Variants in XKR4 observed in about 807,000 individuals in gnomAD.
XKR4 encodes the protein XK related 4.
In XKR4, 12 loss-of-function variants were observed where a neutral mutation model predicts 53.9. The observed-to-expected ratio is 0.22, with a 90% CI of 0.14 to 0.36. XKR4 has a LOEUF of 0.36. Among genes scored for constraint, XKR4 ranks in the 10% least tolerant of loss-of-function variants. XKR4 has a pLI of 1.00. For missense variants in XKR4, 799 were observed against 859.5 expected, an observed-to-expected ratio of 0.93 and a Z score of 0.88; for synonymous variants, 354 against 362.4, an observed-to-expected ratio of 0.98 and a Z score of 0.26.
At chr8:55,253,907 G>A (rs1818396703) in intron 1 of XKR4, among the ~76,000 whole-genome samples, 1 of 151,788 alleles carries the variant, frequency 6.6e-6, no homozygotes, top group Admixed American at 6.6e-5. Context: ...TTCTTGTGGA[G>A]GCAGAGTTTC....
intron 2 of XKR4, among the ~76,000 whole-genome samples, chr8:55,423,180 C>T (rs991540402): frequency 3.3e-5 from 5 of 151,972 alleles, no homozygotes; most frequent in Non-Finnish European, 5.9e-5. Context: ...ACTGCAACCT[C>T]TACCTCCCAG....
intron 1 of XKR4, among the ~76,000 whole-genome samples, chr8:55,151,098 G>A (rs1007646182): frequency 3.3e-5 from 5 of 152,166 alleles, no homozygotes; most frequent in Admixed American, 6.5e-5. Flanking sequence ...GTGTAAGATT[G>A]TCTTTTATTT....
At chr8:55,292,877 A>G (rs1042279895) in intron 1 of XKR4, among the ~76,000 whole-genome samples, 2 of 151,992 alleles carry the variant, frequency 1.3e-5, no homozygotes, top group South Asian at 4.2e-4. Flanking sequence ...TTCTTTTGAA[A>G]CTTCCTCTTT....
chr8:55,534,504 G>C lies in XKR4; in HGVS notation c.*10277G>C, dbSNP rs1296212001. 6.7e-6 allele frequency: 1 copy of C among 149,414 alleles called. No homozygotes were observed. The highest frequency in any genetic ancestry group is 1.5e-5 in the Non-Finnish European group (1 of 67,866). 9.3% of individuals were successfully genotyped at this position (149,414 alleles called of 1,614,324 possible). A position where few individuals can be genotyped will look rare whatever the true frequency, so the allele number is the denominator to read the frequency against. On this transcript the variant is annotated 3_prime_UTR_variant, in exon 3 of 3. Transcript: ENST00000327381. ...TCCTTCTGCCTCAGCCTTCTGAGTA[G>C]GTGGGACTACAGGCGCCTGTCACCA...
At chr8:55,260,290 C>T (rs916994576) in intron 1 of XKR4, among the ~76,000 whole-genome samples, 2 of 152,280 alleles carry the variant, frequency 1.3e-5, no homozygotes, top group South Asian at 2.1e-4. Context: ...TTCTAAAATC[C>T]CTCATGGTGT....
intron 1 of XKR4, among the ~76,000 whole-genome samples, chr8:55,115,552 C>T (rs748310755): frequency 1.3e-5 from 2 of 152,058 alleles, no homozygotes; most frequent in African/African-American, 4.8e-5. Flanking sequence ...TGGGAGGACA[C>T]GCTGGGCGGA....
intron 2 of XKR4, chr8:55,451,880 T>C: frequency 1.2e-6 from 1 of 855,804 alleles, no homozygotes; most frequent in South Asian, 1.5e-5. Context: ...GTCAGTGTGC[T>C]GGGCTCCAGC....
chr8:55,523,804 T>C lies in XKR4; in HGVS notation c.1530T>C (p.Tyr510=), dbSNP rs748617010. The change falls in exon 3 of 3, where the codon TAT becomes TAC. Residue 510 remains tyrosine (Y), a synonymous_variant. Coordinates refer to ENST00000327381, the MANE Select transcript of XKR4 (RefSeq NM_052898.2). ...LTGVVFMLMY[Y]AFFHPNGPRF... is the part of the protein sequence containing the mutation. Reference sequence around the variant, plus strand: ...GCGTTGTTTTTATGCTGATGTATTATGCCTTCTTTCATCCCAATGGACCCA... The same window carrying C: ...GCGTTGTTTTTATGCTGATGTATTACGCCTTCTTTCATCCCAATGGACCCA... 29 of 1,614,248 alleles carry C rather than the reference T, an allele frequency of 1.8e-5. No individual in the cohort carries two copies. The South Asian group carries it at 2.9e-4, about 16-fold the overall frequency.
chr8:55,407,235 CATAG>C (rs56184006), intron 2 of XKR4, among the ~76,000 whole-genome samples: 17,870 of 152,074 alleles, frequency 0.12, 2,214 homozygotes, highest in African/African-American at 0.31. Context: ...GCCAGCCTCG[CATAG>C]AGAGGACTTA....
In XKR4 at chr8:55,528,276, C is replaced by A. The variant is rs770757277; in HGVS notation, c.*4049C>A. The stretch of plus-strand genomic sequence containing the variant: ...GAGTTTTATCACTTCTTAAGGATCT[C>A]ATCTTTTAAACAGCTGAATAAAATA... On this transcript the variant is annotated 3_prime_UTR_variant, in exon 3 of 3. Transcript: ENST00000327381. 1.3e-5 allele frequency: 2 copies of A among 152,216 alleles called. No individual in the cohort carries two copies. The highest frequency in any genetic ancestry group is 2.4e-5 in the African/African-American group (1 of 41,462). 9.4% of individuals were successfully genotyped at this position (152,216 alleles called of 1,614,324 possible). A position where few individuals can be genotyped will look rare whatever the true frequency, so the allele number is the denominator to read the frequency against.
chr8:55,168,756 G>A (rs1382197179), intron 1 of XKR4, among the ~76,000 whole-genome samples: 1 of 152,088 alleles, frequency 6.6e-6, no homozygotes, highest in Non-Finnish European at 1.5e-5. Context: ...GCTTCTCCTT[G>A]CTGGTCAGAC....
At chr8:55,192,207 G>A (rs1317158121) in intron 1 of XKR4, among the ~76,000 whole-genome samples, 1 of 138,820 alleles carries the variant, frequency 7.2e-6, no homozygotes, top group Non-Finnish European at 1.6e-5. Context: ...CAAAGTTAAG[G>A]GACTTAATAC....
chr8:55,394,656 A>AAC (rs1180812771), intron 2 of XKR4, among the ~76,000 whole-genome samples: 1 of 152,148 alleles, frequency 6.6e-6, no homozygotes, highest in African/African-American at 2.4e-5. Context: ...GAGTTATTTA[A>AAC]ACACACACAC....
At chr8:55,295,200 C>T (rs931987552) in intron 1 of XKR4, among the ~76,000 whole-genome samples, 1 of 152,062 alleles carries the variant, frequency 6.6e-6, no homozygotes, top group African/African-American at 2.4e-5. Context: ...TTTCAAGCTC[C>T]ACATAGGAGG....
intron 1 of XKR4, among the ~76,000 whole-genome samples, chr8:55,347,421 G>A (rs2129383079): frequency 1.3e-5 from 2 of 152,314 alleles, no homozygotes; most frequent in East Asian, 3.9e-4. Context: ...GTGTTTTCAT[G>A]CACATCTTCA....
At chr8:55,146,227 C>T (rs191312012) in intron 1 of XKR4, among the ~76,000 whole-genome samples, 3 of 152,072 alleles carry the variant, frequency 2.0e-5, no homozygotes, top group Non-Finnish European at 4.4e-5. Context: ...AAAGAAAAGC[C>T]GAGACTGCCT....
At chr8:55,147,769 T>C (rs1585904522) in intron 1 of XKR4, among the ~76,000 whole-genome samples, 2 of 152,242 alleles carry the variant, frequency 1.3e-5, no homozygotes, top group South Asian at 4.1e-4. Flanking sequence ...TTTGAAGCTT[T>C]GGTCCTGTGG....
rs542848917 is a variant in XKR4 at position 55,486,085 on chromosome 8, C to T, written c.1007-37196C>T. ...TATAAATTTTTGCAAGCATAAACAC[C>T]CAGGAATTCTAATGACAGTCACACA... On this transcript the variant is annotated intron_variant, in intron 2 of 2. Transcript: ENST00000327381. 2.6e-4 allele frequency among the ~76,000 whole-genome samples: 40 copies of T among 151,784 alleles called. 1 individual carries two copies. In the South Asian group the frequency reaches 6.7e-3, roughly 25 times the overall value.
chr8:55,285,715 T>C (rs1039548403), intron 1 of XKR4, among the ~76,000 whole-genome samples: 7 of 152,192 alleles, frequency 4.6e-5, no homozygotes, highest in African/African-American at 1.7e-4. Context: ...GATCTCCAAG[T>C]TGTCTGAGTT....
Sources: allele counts gnomAD v4.1 joint callset (sites outside exome capture counted in the v4.1 genomes callset), GRCh38; gene constraint gnomAD v4.1.1; transcripts MANE v1.5; gene names NCBI Gene and HGNC (gene_info 2026-07-23, HGNC 2026-07-21).